The following CSF1R variants were observed in gnomAD, a reference collection of about 807,000 sequenced individuals.
CSF1R encodes the protein colony stimulating factor 1 receptor, also known as macrophage colony-stimulating factor 1 receptor.
In CSF1R, 40 loss-of-function variants were observed where a neutral mutation model predicts 110.0. That is an observed-to-expected ratio of 0.36 (90% CI 0.28 to 0.47). CSF1R has a LOEUF of 0.47. Ranked by LOEUF, CSF1R falls within the 20% of genes least tolerant of loss-of-function variation. The pLI is 0.99. For missense variants in CSF1R, 1,052 were observed against 1,253.0 expected, an observed-to-expected ratio of 0.84 and a Z score of 2.42; for synonymous variants, 523 against 503.4, an observed-to-expected ratio of 1.04 and a Z score of -0.52.
At chr5:150,111,769 T>C (rs561066069) in intron 1 of CSF1R, among the ~76,000 whole-genome samples, 2 of 152,318 alleles carry the variant, frequency 1.3e-5, no homozygotes, top group South Asian at 4.1e-4. Context: ...CACATTTGAT[T>C]TGGTTTGAAT....
intron 10 of CSF1R, chr5:150,066,930 T>G (rs1202675631): frequency 6.5e-6 from 1 of 152,844 alleles, no homozygotes; most frequent in African/African-American, 2.4e-5. Flanking sequence ...AGAGGTACCC[T>G]TTCCCTTAGT....
intron 1 of CSF1R, among the ~76,000 whole-genome samples, chr5:150,084,422 G>T: frequency 1.6e-5 from 1 of 61,650 alleles, no homozygotes; most frequent in Non-Finnish European, 3.1e-5. Context: ...AAGGAAGGAA[G>T]GAAGGAAGGA....
At chr5:150,057,632 C>A (rs374820700) in intron 14 of CSF1R, 40 bp from the exon 15 acceptor site, 5 of 1,458,192 alleles carry the variant, frequency 3.4e-6, no homozygotes, top group African/African-American at 1.4e-5. Context: ...GGTCACTCAT[C>A]ATCACTGCAC....
chr5:150,062,274 TA>T lies in CSF1R; in HGVS notation c.1627-426del, dbSNP rs1757566757. On this transcript the variant is annotated intron_variant, in intron 10 of 20. Transcript: ENST00000675795. ...ATATATATATATATTTTAATTGTGA[TA>T]AAACATACATGAAATTTACCATTTC... 6.1e-5 allele frequency among the ~76,000 whole-genome samples: 9 copies of T among 147,530 alleles called. 1 individual carries two copies. In the Admixed American group the frequency reaches 6.6e-4, roughly 11 times the overall value.
intron 5 of CSF1R, among the ~76,000 whole-genome samples, chr5:150,076,544 A>G (rs940091515): frequency 2.6e-5 from 4 of 152,102 alleles, no homozygotes; most frequent in African/African-American, 7.2e-5. Context: ...CCTCCTCTGT[A>G]CAATCTGACC....
chr5:150,110,272 G>A (rs1759678379), intron 1 of CSF1R, among the ~76,000 whole-genome samples: 1 of 152,150 alleles, frequency 6.6e-6, no homozygotes, highest in Non-Finnish European at 1.5e-5. Context: ...GAACAATGCA[G>A]CAGTAGAGGC....
intron 1 of CSF1R, 87 bp downstream of exon 1, chr5:150,086,292 C>T: frequency 7.4e-7 from 1 of 1,355,488 alleles, no homozygotes; most frequent in Non-Finnish European, 1.0e-6. Flanking sequence ...CTGAGGACAC[C>T]CAGTGAGGGG....
chr5:150,101,324 G>A (rs1450098858), intron 1 of CSF1R, among the ~76,000 whole-genome samples: 2 of 152,214 alleles, frequency 1.3e-5, no homozygotes, highest in African/African-American at 4.8e-5. Context: ...AGTTGCCCCA[G>A]ATGCATGAGA....
chr5:150,103,275 G>A (rs1288179751), intron 1 of CSF1R, among the ~76,000 whole-genome samples: 2 of 152,224 alleles, frequency 1.3e-5, no homozygotes, highest in South Asian at 2.1e-4. Context: ...GCATCCATCT[G>A]TTGTGGGAAG....
At chr5:150,086,325 G>A in intron 1 of CSF1R, 54 bp downstream of exon 1, 11 of 1,539,090 alleles carry the variant, frequency 7.1e-6, no homozygotes, top group Non-Finnish European at 9.7e-6. Flanking sequence ...CCTTTCACAG[G>A]GGTCTTCTCC....
intron 1 of CSF1R, among the ~76,000 whole-genome samples, chr5:150,111,391 G>A (rs999451436): frequency 3.9e-5 from 6 of 152,218 alleles, no homozygotes; most frequent in African/African-American, 1.4e-4. Context: ...GGAGGCAGGA[G>A]CCCAGCAGGG....
rs1474228203 is a variant in CSF1R, at chr5:150,053,983, G to A, written c.*86C>T. The A allele has an allele frequency of 1.5e-6, 2 of 1,362,572 alleles. No homozygotes were observed. Among genetic ancestry groups the A allele is most frequent in the East Asian group, 2.5e-5 (1 of 40,704 alleles). The allele number at this position is 1,362,572 out of a possible 1,614,324, so 84.4% of individuals were successfully genotyped here. Reference sequence around the variant, plus strand: ...GTTGAGTGAAATGACCGAAGGCAGAGTTTGTATGTTCTCCCCGTGTCGCCC... The same window carrying A: ...GTTGAGTGAAATGACCGAAGGCAGAATTTGTATGTTCTCCCCGTGTCGCCC... On this transcript the variant is annotated 3_prime_UTR_variant, in exon 21 of 21. Transcript: ENST00000675795.
chr5:150,057,097 C>T (rs1301419680), intron 16 of CSF1R, among the ~76,000 whole-genome samples, 190 bp downstream of exon 16: 1 of 152,078 alleles, frequency 6.6e-6, no homozygotes, highest in Non-Finnish European at 1.5e-5. Context: ...TGCCCAGCCC[C>T]AGAGCTCCAG....
At chr5:150,090,501 T>C (rs562254056), upstream of CSF1R, among the ~76,000 whole-genome samples, 1 of 152,338 alleles carries the variant, frequency 6.6e-6, no homozygotes. Context: ...CCCTGCAGTT[T>C]TGCCTTTTCC....
chr5:150,057,419 A>ACACTCCC, intron 15 of CSF1R, 35 bp from the exon 16 acceptor site: 1 of 1,610,930 alleles, frequency 6.2e-7, no homozygotes, highest in Admixed American at 1.7e-5. Context: ...CAGCCCTGCC[A>ACACTCCC]CACTCCCCAC....
Position 150,061,787 on chromosome 5 carries a change from G to C in CSF1R, c.1689C>G (p.Phe563Leu). The change falls in exon 11 of 21, where the codon TTC (phenylalanine) becomes TTG (leucine). Residue 563 changes from phenylalanine (F) to leucine (L), a missense_variant. Physicochemically the swap from Phe to Leu is conservative, Grantham distance 22 (BLOSUM62 0). Around this residue, in one of 5 missense-constraint regions of CSF1R, gnomAD observed 693 missense variants for 735.4 expected, o/e 0.94. Transcript: ENST00000675795. ...TGTAAGGCAGCTGCGTGGGGTCGAT[G>C]AAAGTATAACTGTTGCCCTCATAGC... ...IESYEGNSYT[F>L]IDPTQLPYNE... 1 of 1,614,240 alleles carries C rather than the reference G, an allele frequency of 6.2e-7. No homozygotes were observed. The highest frequency in any genetic ancestry group is 8.5e-7 in the Non-Finnish European group (1 of 1,180,042).
In CSF1R at chr5:150,070,288, T is replaced by C; in HGVS notation, c.1213A>G (p.Ser405Gly). 6.2e-7 allele frequency: 1 copy of C among 1,614,090 alleles called. No homozygotes were observed. The highest frequency in any genetic ancestry group is 1.7e-4 in the Middle Eastern group (1 of 6,060). The stretch of plus-strand genomic sequence containing the variant: ...CCGTTGATGAATGTCCATATGACGC[T>C]TACCTCTGGGGGGTCTGAGGAAGAA... ...ELTLRYPPEVSVIWTFINGSG... is the reference protein window; with the variant it reads ...ELTLRYPPEVGVIWTFINGSG... Residue 405 changes from serine to glycine, a missense_variant, in exon 8 of 21, where the codon AGC (serine) becomes GGC (glycine). Ser to Gly is a moderately conservative substitution (Grantham distance 56). This residue lies in a region of CSF1R where 693 missense variants were observed against 735.4 expected (regional missense o/e 0.94). Coordinates refer to ENST00000675795, the MANE Select transcript of CSF1R (RefSeq NM_001288705.3).
chr5:150,076,085 G>A (rs1245421808), intron 5 of CSF1R, among the ~76,000 whole-genome samples: 1 of 152,204 alleles, frequency 6.6e-6, no homozygotes. Context: ...TCCAGTGACT[G>A]CCACTGCCTG....
At chr5:150,055,765 G>GA (rs1285002963) in intron 18 of CSF1R, among the ~76,000 whole-genome samples, 1 of 152,212 alleles carries the variant, frequency 6.6e-6, no homozygotes, top group Non-Finnish European at 1.5e-5. Context: ...ACAAAGGAGG[G>GA]AAACAGTGAC....
Sources: gnomAD v4.1 joint callset for allele counts (sites outside exome capture counted in the v4.1 genomes callset) on GRCh38, gnomAD v4.1.1 for gene constraint, gnomAD v4.1.1 regional missense constraint, MANE v1.5 for transcripts, NCBI Gene and HGNC (gene_info 2026-07-23, HGNC 2026-07-21) for gene names.